The following MROH2B variants were observed in gnomAD, a reference collection of about 807,000 sequenced individuals.
MROH2B encodes the protein maestro heat-like repeat-containing protein family member 2B.
Under a neutral mutation model 208.6 loss-of-function variants are expected in MROH2B, and 177 were observed. The ratio of observed to expected loss-of-function variants is 0.85; its 90% confidence interval spans 0.75 to 0.96. The LOEUF (loss-of-function observed/expected upper bound fraction) is 0.96, where lower values mean the gene tolerates loss of function less well. MROH2B is among the 40% of genes least tolerant of loss of function. The pLI is 0.00. For synonymous variants in MROH2B, 728 were observed against 659.0 expected (o/e 1.10, Z -1.60); for missense variants, 2,002 against 1,878.7 (o/e 1.07, Z -1.21).
chr5:41,012,409 T>A lies in MROH2B; in HGVS notation c.3135+174A>T, dbSNP rs6898235. 2.2e-3 allele frequency among the ~76,000 whole-genome samples: 334 copies of A among 152,192 alleles called. 1 individual carries two copies. Among genetic ancestry groups the A allele is most frequent in the African/African-American group, 7.5e-3 (311 of 41,516 alleles). ...AGACAAGAGAGGCAATTGAGACAGG[T>A]CCTCAACGTGAGCCTTGTTGTTAAA... On this transcript the variant is annotated intron_variant, in intron 30 of 41. Transcript: ENST00000399564.
At chr5:41,013,479 G>A (rs1464011670) in intron 29 of MROH2B, among the ~76,000 whole-genome samples, 1 of 152,194 alleles carries the variant, frequency 6.6e-6, no homozygotes, top group African/African-American at 2.4e-5. Flanking sequence ...AACTAAGCAA[G>A]ATGGTAATGA....
chr5:41,007,556 G>T, intron 33 of MROH2B, 102 bp from the exon 34 acceptor site: 1 of 1,100,998 alleles, frequency 9.1e-7, no homozygotes, highest in South Asian at 2.8e-5. Context: ...TCCCACCCCT[G>T]GACTAGGGGA....
At chr5:41,030,064 T>A (rs1428096447) in intron 24 of MROH2B, among the ~76,000 whole-genome samples, 1 of 151,736 alleles carries the variant, frequency 6.6e-6, no homozygotes, top group Non-Finnish European at 1.5e-5. Context: ...ATATGTCTGA[T>A]AAGAGGTTAA....
intron 35 of MROH2B, 39 bp from the exon 36 acceptor site, chr5:41,004,959 C>T (rs778080285): frequency 1.9e-5 from 31 of 1,601,438 alleles, no homozygotes; most frequent in Non-Finnish European, 2.6e-5. Context: ...TAGTTAAGGG[C>T]GTGGCCCCTC....
At chr5:41,069,819 A>G in intron 1 of MROH2B, 67 bp from the exon 2 acceptor site, 1 of 1,197,240 alleles carries the variant, frequency 8.4e-7, no homozygotes, top group Non-Finnish European at 1.2e-6. Context: ...TTATTTTGTA[A>G]TCAACACAGA....
At position 41,033,866 on chromosome 5, in the gene MROH2B, T is replaced by TA. The variant is rs527434785; in HGVS notation, c.2215-3dup. ...GTTCATCACAGACATGCCCAGAACC[T>TA]AAAAAAAATCAAAGGCAAAATTAGA... On this transcript the variant is annotated splice_polypyrimidine_tract_variant and splice_region_variant and intron_variant, in intron 21 of 41. Coordinates refer to ENST00000399564, the MANE Select transcript of MROH2B (RefSeq NM_173489.5). 305 of 1,547,104 alleles carry TA rather than the reference T, an allele frequency of 2.0e-4. 1 individual carries two copies. In the African/African-American group the frequency reaches 3.7e-3, roughly 19 times the overall value.
chr5:41,054,884 G>T, intron 10 of MROH2B, 44 bp from the exon 11 acceptor site: 2 of 1,354,952 alleles, frequency 1.5e-6, no homozygotes, highest in African/African-American at 1.4e-5. Flanking sequence ...CTCAATAGAA[G>T]TACAGTATGT....
Position 41,051,074 on chromosome 5 carries a change from G to C in MROH2B, c.1247C>G (p.Thr416Ser), listed in dbSNP as rs755267264. The C allele has an allele frequency of 1.3e-6, 2 of 1,548,586 alleles. No homozygotes were observed. Among genetic ancestry groups the C allele is most frequent in the Admixed American group, 2.3e-5 (1 of 44,262 alleles). The change falls in exon 13 of 42, where the codon ACT becomes AGT. Residue 416 changes from threonine to serine, a missense_variant. Coordinates refer to ENST00000399564, the MANE Select transcript of MROH2B (RefSeq NM_173489.5). ...TTCCTTTTCATTCTCATGAAAGTTAGTTTTCACTGGTTTCTCCTTTAAGAA... is the reference window on the plus strand; with the variant it reads ...TTCCTTTTCATTCTCATGAAAGTTACTTTTCACTGGTTTCTCCTTTAAGAA... The part of the protein sequence containing the change: ...LNRNLEKPVK[T>S]NFHENEKEEE...
intron 37 of MROH2B, among the ~76,000 whole-genome samples, chr5:41,001,086 C>A (rs1470441102): frequency 6.6e-6 from 1 of 152,138 alleles, no homozygotes; most frequent in Non-Finnish European, 1.5e-5. Flanking sequence ...TGATTTCTGT[C>A]TTTGAGTAGC....
chr5:41,018,523 AC>A, intron 26 of MROH2B, 93 bp from the exon 27 acceptor site: 1 of 1,474,264 alleles, frequency 6.8e-7, no homozygotes. Flanking sequence ...CTTTTGTAAC[AC>A]GGTGCTCACC....
intron 32 of MROH2B, 97 bp downstream of exon 32, chr5:41,009,183 G>A (rs1741692517): frequency 1.5e-5 from 22 of 1,476,130 alleles, no homozygotes; most frequent in Non-Finnish European, 2.0e-5. Flanking sequence ...AGAAGAAGGA[G>A]GTGTCATTAA....
Position 41,012,488 on chromosome 5 carries a change from G to A in MROH2B, c.3135+95C>T, listed in dbSNP as rs568045178. 24 of 1,338,872 alleles carry A rather than the reference G, an allele frequency of 1.8e-5. 2 individuals are homozygous for A. In the South Asian group the frequency reaches 3.3e-4, roughly 18 times the overall value. The allele number at this position is 1,338,872 out of a possible 1,614,324, so 82.9% of individuals were successfully genotyped here. A position where few individuals can be genotyped will look rare whatever the true frequency, so the allele number is the denominator to read the frequency against. ...CTTGAGGTTGTGCAAGCCTTTGCAT[G>A]CTGCCCATCAGTGGACAAACAGAGA... is the stretch of plus-strand genomic sequence containing the variant. On this transcript the variant is annotated intron_variant, in intron 30 of 41. Coordinates refer to ENST00000399564, the MANE Select transcript of MROH2B (RefSeq NM_173489.5).
intron 24 of MROH2B, among the ~76,000 whole-genome samples, chr5:41,031,032 A>G (rs560120736): frequency 6.6e-6 from 1 of 152,260 alleles, no homozygotes; most frequent in Non-Finnish European, 1.5e-5. Context: ...GCAGAGTAGA[A>G]TCTCAACTCT....
intron 19 of MROH2B, among the ~76,000 whole-genome samples, chr5:41,040,733 C>A (rs1327570226): frequency 6.6e-6 from 1 of 152,118 alleles, no homozygotes; most frequent in Non-Finnish European, 1.5e-5. Context: ...ATGGTGCGAT[C>A]TCGGCTCACT....
At chr5:41,052,181 T>A (rs1443002349) in intron 12 of MROH2B, among the ~76,000 whole-genome samples, 1 of 147,188 alleles carries the variant, frequency 6.8e-6, no homozygotes, top group East Asian at 2.0e-4. Context: ...ACCTATCTTG[T>A]GTTTATTATA....
rs1741504185 is a variant in MROH2B at position 41,004,435 on chromosome 5, G to A, written c.4105C>T (p.Leu1369=). The A allele has an allele frequency of 1.2e-6, 2 of 1,613,932 alleles. No homozygotes were observed. Among genetic ancestry groups the A allele is most frequent in the Non-Finnish European group, 1.7e-6 (2 of 1,179,862 alleles). ...GTCAGCAGCTCCAGGATTTTTTTTA[G>A]AGCCTTCAAGCTTTCACAGACGACT... ...TEVVCESLKA[L]KKILELLTDR... The change falls in exon 37 of 42, where the codon CTA becomes TTA. Residue 1369 remains leucine (L), a synonymous_variant. Coordinates refer to ENST00000399564, the MANE Select transcript of MROH2B (RefSeq NM_173489.5).
chr5:41,023,188 C>T (rs142824827), intron 24 of MROH2B, among the ~76,000 whole-genome samples: 43 of 152,230 alleles, frequency 2.8e-4, no homozygotes, highest in South Asian at 1.0e-3. Context: ...CAAAGCTGGA[C>T]GGAGAATGAC....
At chr5:41,014,735 C>A (rs1233185926) in intron 29 of MROH2B, among the ~76,000 whole-genome samples, 1 of 152,170 alleles carries the variant, frequency 6.6e-6, no homozygotes, top group Non-Finnish European at 1.5e-5. Flanking sequence ...GCCTGGAATT[C>A]TTTTTTCCAG....
chr5:41,033,748 G>T (rs1292744862), intron 22 of MROH2B, 90 bp downstream of exon 22: 6 of 1,031,996 alleles, frequency 5.8e-6, no homozygotes, highest in Non-Finnish European at 8.5e-6. Flanking sequence ...CAAATCAAAA[G>T]GACATCTTTG....
Sources: allele counts gnomAD v4.1 joint callset (sites outside exome capture counted in the v4.1 genomes callset), GRCh38; gene constraint gnomAD v4.1.1; transcripts MANE v1.5; gene names NCBI Gene and HGNC (gene_info 2026-07-23, HGNC 2026-07-21).